The following ZNF518A variants were observed in gnomAD, a reference collection of about 807,000 sequenced individuals.
ZNF518A encodes the protein zinc finger protein 518.
Under a neutral mutation model 102.7 loss-of-function variants are expected in ZNF518A, and 47 were observed. The ratio of observed to expected loss-of-function variants is 0.46; its 90% CI spans 0.36 to 0.58. ZNF518A has a LOEUF of 0.58. ZNF518A is among the 20% of genes least tolerant of loss of function. ZNF518A has a pLI of 0.00. For missense variants in ZNF518A, 1,793 were observed against 1,699.8 expected, an observed-to-expected ratio of 1.05 and a Z score of -0.96; for synonymous variants, 652 against 594.6, an observed-to-expected ratio of 1.10 and a Z score of -1.40.
chr10:96,176,877 A>G (rs2083207737), intron 1 of ZNF518A, among the ~76,000 whole-genome samples: 1 of 152,190 alleles, frequency 6.6e-6, no homozygotes, highest in Admixed American at 6.5e-5. Flanking sequence ...AGCCTGGGTG[A>G]CAGAGCGAGA....
chr10:96,192,149 C>G (rs1554893613), intron 1 of ZNF518A: 2 of 1,600,000 alleles, frequency 1.3e-6, no homozygotes, highest in African/African-American at 1.3e-5. Flanking sequence ...AATTTGAGCT[C>G]CACTCCTCCC....
chr10:96,187,622 T>C (rs75049470), intron 1 of ZNF518A, among the ~76,000 whole-genome samples: 6,180 of 152,304 alleles, frequency 0.041, 239 homozygotes, highest in African/African-American at 0.098. Flanking sequence ...TCTATTGTCC[T>C]TTTGAACAAA....
downstream of ZNF518A, among the ~76,000 whole-genome samples, chr10:96,167,125 G>T (rs2083146165): frequency 6.6e-6 from 1 of 152,134 alleles, no homozygotes; most frequent in Non-Finnish European, 1.5e-5. Context: ...AAGTTTTGAG[G>T]GATACCAAAT....
chr10:96,203,084 T>C (rs1156825319), intron 1 of ZNF518A, among the ~76,000 whole-genome samples: 1 of 152,224 alleles, frequency 6.6e-6, no homozygotes, highest in Non-Finnish European at 1.5e-5. Flanking sequence ...CAGTAGAATA[T>C]AAGTTTCATG....
Position 96,158,087 on chromosome 10 carries a change from G to C in ZNF518A, c.1765G>C (p.Glu589Gln). The C allele has an allele frequency of 1.9e-6, 3 of 1,613,572 alleles. No individual in the cohort carries two copies. In the South Asian group the frequency reaches 3.3e-5, roughly 18 times the overall value. Residue 589 changes from glutamate to glutamine, a missense_variant, in exon 6 of 6, where the codon GAG (glutamate) becomes CAG (glutamine). Coordinates refer to ENST00000316045, the MANE Select transcript of ZNF518A (RefSeq NM_001330736.2). ...AAATCATCTCACTCAGAGTCACCCC[G>C]AGGTATTAGGTACCACCATTAAAAG... ...WGNHLTQSHPEVLGTTIKSPD... is the reference protein window; with the variant it reads ...WGNHLTQSHPQVLGTTIKSPD...
At chr10:96,194,752 C>G (rs587658584) in intron 1 of ZNF518A, among the ~76,000 whole-genome samples, 1 of 146,798 alleles carries the variant, frequency 6.8e-6, no homozygotes, top group African/African-American at 2.5e-5. Flanking sequence ...CATCACTAAT[C>G]ATCAGAGAAA....
downstream of ZNF518A, among the ~76,000 whole-genome samples, chr10:96,167,071 A>T (rs1376669426): frequency 6.6e-6 from 1 of 152,226 alleles, no homozygotes; most frequent in Admixed American, 6.5e-5. Flanking sequence ...GCAAAGAAAC[A>T]GAAAAGTATG....
chr10:96,149,388 C>T (rs1196367840), intron 3 of ZNF518A, among the ~76,000 whole-genome samples: 1 of 152,184 alleles, frequency 6.6e-6, no homozygotes, highest in African/African-American at 2.4e-5. Context: ...CTACTCTCTC[C>T]CCTGTGCCTG....
intron 3 of ZNF518A, among the ~76,000 whole-genome samples, chr10:96,154,197 T>G (rs1168789263): frequency 6.6e-6 from 1 of 152,156 alleles, no homozygotes; most frequent in Non-Finnish European, 1.5e-5. Context: ...TTGGGTATGG[T>G]GGCGCATGCC....
At chr10:96,184,701 G>A (rs2083260675) in intron 1 of ZNF518A, among the ~76,000 whole-genome samples, 1 of 152,156 alleles carries the variant, frequency 6.6e-6, no homozygotes, top group African/African-American at 2.4e-5. Context: ...CCCTTTGTGG[G>A]TAACCCGACC....
chr10:96,174,739 CAGATAGATAGAT>C (rs57745529), intron 1 of ZNF518A, among the ~76,000 whole-genome samples: 3 of 151,004 alleles, frequency 2.0e-5, no homozygotes, highest in African/African-American at 4.9e-5. Flanking sequence ...AAAAAAATTA[CAGATAGATAGAT>C]AGATAGATAG....
In ZNF518A at chr10:96,160,789, C is replaced by T. The variant is rs764877459; in HGVS notation, c.*15C>T. 13 of 1,513,338 alleles carry T rather than the reference C, an allele frequency of 8.6e-6. No individual in the cohort carries two copies. Among genetic ancestry groups the T allele is most frequent in the Non-Finnish European group, 1.1e-5 (13 of 1,135,786 alleles). 93.7% of individuals were successfully genotyped at this position (1,513,338 alleles called of 1,614,324 possible). A position where few individuals can be genotyped will look rare whatever the true frequency, so the allele number is the denominator to read the frequency against. On this transcript the variant is annotated 3_prime_UTR_variant, in exon 6 of 6. Coordinates refer to ENST00000316045, the MANE Select transcript of ZNF518A (RefSeq NM_001330736.2). Reference sequence around the variant, plus strand: ...TGTTAGAATAGTTTACCATAATTACCAAGGAAAAGAAAAGTAAAATTACCT... The same window carrying T: ...TGTTAGAATAGTTTACCATAATTACTAAGGAAAAGAAAAGTAAAATTACCT...
chr10:96,178,229 T>C (rs2083217405), intron 1 of ZNF518A, among the ~76,000 whole-genome samples: 1 of 152,112 alleles, frequency 6.6e-6, no homozygotes, highest in Admixed American at 6.5e-5. Flanking sequence ...TCAATAAATT[T>C]AAAAGGATTG....
chr10:96,165,404 G>A (rs2083123674), downstream of ZNF518A, among the ~76,000 whole-genome samples: 1 of 146,982 alleles, frequency 6.8e-6, no homozygotes, highest in Admixed American at 7.0e-5. Flanking sequence ...ACCATGCCCA[G>A]CCAGTAAGAC....
At chr10:96,132,296 C>A (rs1268226000) in intron 1 of ZNF518A, among the ~76,000 whole-genome samples, 3 of 150,884 alleles carry the variant, frequency 2.0e-5, no homozygotes, top group African/African-American at 7.3e-5. Flanking sequence ...GAATTGGAAC[C>A]GGATCCAGAT....
chr10:96,203,533 ACGTT>A (rs55959527), intron 1 of ZNF518A: 2,111 of 152,344 alleles, frequency 0.014, 16 homozygotes, highest in Non-Finnish European at 0.024. Flanking sequence ...TTGGGCAGTT[ACGTT>A]CTGTGAGCCT....
intron 1 of ZNF518A, among the ~76,000 whole-genome samples, chr10:96,177,505 CATATT>C (rs1421172549): frequency 7.9e-5 from 12 of 152,120 alleles, no homozygotes; most frequent in South Asian, 4.1e-4. Context: ...AAAATAATAA[CATATT>C]ATAGGATTTA....
intron 1 of ZNF518A, among the ~76,000 whole-genome samples, chr10:96,198,555 C>T (rs1222295042): frequency 1.3e-5 from 2 of 152,226 alleles, no homozygotes; most frequent in Non-Finnish European, 2.9e-5. Context: ...AAGAAAGTCA[C>T]ATTGGTATCA....
intron 3 of ZNF518A, among the ~76,000 whole-genome samples, chr10:96,154,114 C>T (rs782685610): frequency 2.1e-4 from 32 of 152,132 alleles, no homozygotes; most frequent in Non-Finnish European, 4.4e-4. Context: ...TTAATCAACT[C>T]ATATAATTCT....
Sources: allele counts gnomAD v4.1 joint callset (sites outside exome capture counted in the v4.1 genomes callset), GRCh38; gene constraint gnomAD v4.1.1; transcripts MANE v1.5; gene names NCBI Gene and HGNC (gene_info 2026-07-23, HGNC 2026-07-21).